Variants in APBB2 observed in about 807,000 individuals in gnomAD.
The protein encoded by APBB2 is Fe65-like 1.
Under a neutral mutation model 82.5 loss-of-function variants are expected in APBB2, and 38 were observed. That is an observed-to-expected ratio of 0.46 (90% CI 0.36 to 0.60). The LOEUF (loss-of-function observed/expected upper bound fraction) is 0.60, where lower values mean the gene tolerates loss of function less well. Ranked by LOEUF, APBB2 falls within the 20% of genes least tolerant of loss-of-function variation. The probability of loss-of-function intolerance (pLI) is 0.00; values close to 1 mark genes in which losing one functional copy is unlikely to be tolerated. For missense variants in APBB2, 772 were observed against 972.3 expected, an observed-to-expected ratio of 0.79 and a Z score of 2.74; for synonymous variants, 341 against 368.2, an observed-to-expected ratio of 0.93 and a Z score of 0.85.
At chr4:40,885,943 T>C (rs1770098395) in intron 12 of APBB2, among the ~76,000 whole-genome samples, 1 of 152,188 alleles carries the variant, frequency 6.6e-6, no homozygotes, top group South Asian at 2.1e-4. Flanking sequence ...CTTTTTTTTT[T>C]TCTCAAGGGA....
At chr4:40,937,759 AAATT>A (rs1785741767) in intron 7 of APBB2, among the ~76,000 whole-genome samples, 1 of 152,234 alleles carries the variant, frequency 6.6e-6, no homozygotes, top group Non-Finnish European at 1.5e-5. Context: ...CTTTTTTAAA[AAATT>A]AAAGTCAATG....
chr4:41,074,608 A>ATTT (rs370714146), intron 3 of APBB2, among the ~76,000 whole-genome samples: 77 of 136,708 alleles, frequency 5.6e-4, no homozygotes, highest in Non-Finnish European at 7.7e-4. Context: ...TATTATTATT[A>ATTT]TTTTTTTTTT....
At chr4:41,126,192 C>G (rs1459866308) in intron 2 of APBB2, among the ~76,000 whole-genome samples, 1 of 131,834 alleles carries the variant, frequency 7.6e-6, no homozygotes, top group African/African-American at 2.9e-5. Flanking sequence ...CCAGCCTGGG[C>G]AACATAGTGA....
chr4:40,924,227 T>G (rs1782052893), intron 10 of APBB2, among the ~76,000 whole-genome samples: 1 of 152,214 alleles, frequency 6.6e-6, no homozygotes, highest in Non-Finnish European at 1.5e-5. Context: ...CAGCCAGGAC[T>G]TGATATATCC....
Position 41,097,749 on chromosome 4 carries a change from A to C in APBB2, c.-149+2890T>G, listed in dbSNP as rs183896145. On this transcript the variant is annotated intron_variant, in intron 3 of 17. Transcript: ENST00000508593. Reference sequence around the variant, plus strand: ...TCAAGTTTCCAAAAATCTACCTCAAACAATCAATTTTCTGAATTGCTTGAA... The same window carrying C: ...TCAAGTTTCCAAAAATCTACCTCAACCAATCAATTTTCTGAATTGCTTGAA... Among the ~76,000 whole-genome samples the C allele has an allele frequency of 5.3e-5, 8 of 152,288 alleles. No homozygotes were observed. In the East Asian group the frequency reaches 1.5e-3, roughly 29 times the overall value.
intron 13 of APBB2, among the ~76,000 whole-genome samples, chr4:40,829,657 C>G (rs1403037013): frequency 6.6e-6 from 1 of 151,956 alleles, no homozygotes; most frequent in Non-Finnish European, 1.5e-5. Flanking sequence ...AAGCAAGAGA[C>G]TCCATCTGTG....
At chr4:41,089,006 A>AT (rs1207337663) in intron 3 of APBB2, among the ~76,000 whole-genome samples, 1 of 151,802 alleles carries the variant, frequency 6.6e-6, no homozygotes, top group African/African-American at 2.4e-5. Flanking sequence ...AGGGGCATTA[A>AT]TTTTTTTTTC....
chr4:41,119,398 C>A (rs938974464), intron 2 of APBB2, among the ~76,000 whole-genome samples: 1 of 151,638 alleles, frequency 6.6e-6, no homozygotes, highest in Non-Finnish European at 1.5e-5. Context: ...TAACATGTTT[C>A]GGGCTCCAAG....
At chr4:40,819,842 T>A (rs1011998937) in intron 17 of APBB2, among the ~76,000 whole-genome samples, 1 of 152,174 alleles carries the variant, frequency 6.6e-6, no homozygotes, top group Non-Finnish European at 1.5e-5. Context: ...AGACAGGGTC[T>A]CGCTCTGTCA....
chr4:40,918,158 C>G (rs2039803677), intron 10 of APBB2, among the ~76,000 whole-genome samples: 2 of 152,212 alleles, frequency 1.3e-5, no homozygotes, highest in Admixed American at 1.3e-4. Flanking sequence ...GCTGGCCAAA[C>G]CACTCTATCA....
intron 4 of APBB2, among the ~76,000 whole-genome samples, chr4:41,039,748 T>C (rs1403614806): frequency 1.3e-5 from 2 of 151,340 alleles, no homozygotes; most frequent in African/African-American, 4.9e-5. Context: ...TAGTCCTAGT[T>C]ACTTGAGAGG....
At chr4:40,957,116 A>T (rs1241634779) in intron 6 of APBB2, among the ~76,000 whole-genome samples, 4 of 152,230 alleles carry the variant, frequency 2.6e-5, no homozygotes, top group African/African-American at 9.6e-5. Context: ...CACAGGGTGG[A>T]TGTGGAACAA....
intron 3 of APBB2, among the ~76,000 whole-genome samples, chr4:41,089,653 A>C (rs1579943067): frequency 6.6e-6 from 1 of 152,228 alleles, no homozygotes. Flanking sequence ...GTTGTGGCTC[A>C]AAGAAAAAAC....
chr4:41,170,824 G>A (rs976245751), intron 1 of APBB2, among the ~76,000 whole-genome samples: 1 of 152,184 alleles, frequency 6.6e-6, no homozygotes, highest in Non-Finnish European at 1.5e-5. Flanking sequence ...TAATACAGGG[G>A]AATTCTTTGT....
intron 10 of APBB2, among the ~76,000 whole-genome samples, chr4:40,922,468 C>G (rs141439408): frequency 6.6e-6 from 1 of 152,072 alleles, no homozygotes; most frequent in Non-Finnish European, 1.5e-5. Context: ...CTTATAAGCA[C>G]GAGTCAGAAG....
chr4:41,043,857 G>A (rs1722412544), intron 4 of APBB2, among the ~76,000 whole-genome samples: 1 of 152,146 alleles, frequency 6.6e-6, no homozygotes, highest in Non-Finnish European at 1.5e-5. Flanking sequence ...TGTTGAAAGA[G>A]TCTGGGCTGT....
intron 2 of APBB2, among the ~76,000 whole-genome samples, chr4:41,128,081 G>GAAA (rs146786132): frequency 4.7e-5 from 7 of 149,680 alleles, no homozygotes; most frequent in African/African-American, 1.5e-4. Flanking sequence ...CTCCATCTCA[G>GAAA]AAAAAAAAAG....
At chr4:41,082,318 A>G (rs138654668) in intron 3 of APBB2, among the ~76,000 whole-genome samples, 99 of 152,302 alleles carry the variant, frequency 6.5e-4, no homozygotes, top group African/African-American at 2.2e-3. Context: ...ATTTTTGATA[A>G]GTTTGAGTCT....
intron 12 of APBB2, among the ~76,000 whole-genome samples, chr4:40,859,323 G>A (rs1762201251): frequency 6.7e-6 from 1 of 149,154 alleles, no homozygotes; most frequent in Non-Finnish European, 1.5e-5. Context: ...TCTCACTAGT[G>A]CAGTGGCCGC....
Sources: allele counts gnomAD v4.1 joint callset (sites outside exome capture counted in the v4.1 genomes callset), GRCh38; gene constraint gnomAD v4.1.1; transcripts MANE v1.5; gene names NCBI Gene and HGNC (gene_info 2026-07-23, HGNC 2026-07-21).